The following EPB41L4A variants were observed in gnomAD, a reference collection of about 807,000 sequenced individuals.
EPB41L4A encodes the protein erythrocyte membrane protein band 4.1 like 4A.
EPB41L4A carries 100 observed loss-of-function variants against 108.6 expected under a neutral mutation model. That is an observed-to-expected ratio of 0.92 (90% CI 0.78 to 1.09). The LOEUF (loss-of-function observed/expected upper bound fraction) is 1.09, where lower values mean the gene tolerates loss of function less well. Among genes scored for constraint, EPB41L4A ranks in the 50% least tolerant of loss-of-function variants. EPB41L4A has a pLI of 0.00. For missense variants in EPB41L4A, 1,030 were observed against 842.7 expected, an observed-to-expected ratio of 1.22 and a Z score of -2.75; for synonymous variants, 319 against 289.0, an observed-to-expected ratio of 1.10 and a Z score of -1.05.
At chr5:112,274,986 G>C (rs1203885252) in intron 4 of EPB41L4A, among the ~76,000 whole-genome samples, 1 of 152,168 alleles carries the variant, frequency 6.6e-6, no homozygotes, top group Non-Finnish European at 1.5e-5. Flanking sequence ...AGTACAAACT[G>C]AACATCAAAA....
intron 1 of EPB41L4A, among the ~76,000 whole-genome samples, chr5:112,329,341 G>A (rs1377939288): frequency 6.6e-6 from 1 of 152,156 alleles, no homozygotes. Flanking sequence ...GAGCACCATA[G>A]TGAAGTTTTT....
At chr5:112,222,011 C>T (rs909628570) in intron 12 of EPB41L4A, among the ~76,000 whole-genome samples, 10 of 152,200 alleles carry the variant, frequency 6.6e-5, no homozygotes, top group African/African-American at 2.4e-4. Flanking sequence ...AAACATACAC[C>T]TGACTATATG....
chr5:112,204,575 A>G (rs1762380053), intron 14 of EPB41L4A, 87 bp from the exon 15 acceptor site: 1 of 759,920 alleles, frequency 1.3e-6, no homozygotes, highest in Admixed American at 1.9e-5. Flanking sequence ...ATAACTGCAC[A>G]GCTGGTACTT....
intron 12 of EPB41L4A, among the ~76,000 whole-genome samples, chr5:112,215,723 A>G (rs1747582324): frequency 7.4e-6 from 1 of 134,632 alleles, no homozygotes; most frequent in South Asian, 2.4e-4. Flanking sequence ...AGATCGCGCC[A>G]CTGCATTCCA....
At chr5:112,415,836 C>T (rs73218324) in intron 1 of EPB41L4A, among the ~76,000 whole-genome samples, 9,687 of 152,114 alleles carry the variant, frequency 0.064, 1,073 homozygotes, top group African/African-American at 0.22. Context: ...TTTTAAATCT[C>T]GGATAAGGTT....
chr5:112,230,082 A>T (rs1340624093), intron 12 of EPB41L4A, among the ~76,000 whole-genome samples: 1 of 151,890 alleles, frequency 6.6e-6, no homozygotes, highest in Admixed American at 6.5e-5. Context: ...GTAGTATTCT[A>T]TAGTGTACAT....
At chr5:112,300,632 T>C (rs1186116048) in intron 2 of EPB41L4A, among the ~76,000 whole-genome samples, 1 of 152,170 alleles carries the variant, frequency 6.6e-6, no homozygotes, top group Non-Finnish European at 1.5e-5. Flanking sequence ...GCCTAGGTAA[T>C]GATCTTTTTG....
At chr5:112,402,232 TAGA>T (rs1179305338) in intron 1 of EPB41L4A, among the ~76,000 whole-genome samples, 1 of 152,176 alleles carries the variant, frequency 6.6e-6, no homozygotes, top group Non-Finnish European at 1.5e-5. Context: ...TCTAGCCATG[TAGA>T]ATGTGTCTGC....
intron 4 of EPB41L4A, among the ~76,000 whole-genome samples, chr5:112,274,345 T>C (rs1752474695): frequency 6.6e-6 from 1 of 152,096 alleles, no homozygotes; most frequent in Non-Finnish European, 1.5e-5. Context: ...ATCATTAGAG[T>C]TCAAAAGATT....
rs777882457 is a variant in EPB41L4A at position 112,194,554 on chromosome 5, T to C, written c.1502+14A>G. On this transcript the variant is annotated intron_variant, in intron 17 of 22. Coordinates refer to ENST00000261486, the MANE Select transcript of EPB41L4A (RefSeq NM_022140.5). ...ATTTCAGAGTGCCAGTTAATTATAA[T>C]ATTGAGATATTACCTGTTTCTCTTT... is the stretch of plus-strand genomic sequence containing the variant. 2.8e-6 allele frequency: 4 copies of C among 1,450,764 alleles called. No individual in the cohort carries two copies. The South Asian group carries it at 4.9e-5, about 18-fold the overall frequency. The allele number at this position is 1,450,764 out of a possible 1,614,324, so 89.9% of individuals were successfully genotyped here. A position where few individuals can be genotyped will look rare whatever the true frequency, so the allele number is the denominator to read the frequency against.
chr5:112,335,343 G>A (rs977544931), intron 1 of EPB41L4A, among the ~76,000 whole-genome samples: 2 of 152,112 alleles, frequency 1.3e-5, no homozygotes, highest in Admixed American at 6.5e-5. Context: ...AAGATTAATC[G>A]ATTTAACAGA....
At chr5:112,202,643 T>G (rs1472176595) in intron 15 of EPB41L4A, among the ~76,000 whole-genome samples, 1 of 152,132 alleles carries the variant, frequency 6.6e-6, no homozygotes, top group Non-Finnish European at 1.5e-5. Context: ...AGCACCCTCA[T>G]GTCAGTCCTA....
chr5:112,236,750 G>A (rs1050103850), intron 11 of EPB41L4A, among the ~76,000 whole-genome samples: 3 of 152,160 alleles, frequency 2.0e-5, no homozygotes, highest in African/African-American at 4.8e-5. Context: ...AGAAAAGAAC[G>A]AGAGTAGAAA....
At chr5:112,319,339 T>C (rs1755622054) in intron 1 of EPB41L4A, among the ~76,000 whole-genome samples, 1 of 152,128 alleles carries the variant, frequency 6.6e-6, no homozygotes. Context: ...TATAAATACA[T>C]GTGTGAATAA....
At chr5:112,269,308 A>G (rs1752094436) in intron 4 of EPB41L4A, among the ~76,000 whole-genome samples, 1 of 152,208 alleles carries the variant, frequency 6.6e-6, no homozygotes, top group Admixed American at 6.5e-5. Context: ...TTTTAATTTA[A>G]AACTTGATTT....
intron 8 of EPB41L4A, among the ~76,000 whole-genome samples, chr5:112,259,494 A>G (rs1450704775): frequency 6.6e-6 from 1 of 152,182 alleles, no homozygotes; most frequent in East Asian, 1.9e-4. Context: ...TCTCCACTAA[A>G]TGCACAATGA....
chr5:112,272,601 G>A (rs779384924), intron 4 of EPB41L4A, among the ~76,000 whole-genome samples: 17 of 151,718 alleles, frequency 1.1e-4, no homozygotes, highest in Middle Eastern at 3.4e-3. Flanking sequence ...CCAACATGGC[G>A]AAACCCTGAA....
At chr5:112,327,764 A>G (rs1209666586) in intron 1 of EPB41L4A, among the ~76,000 whole-genome samples, 7 of 152,144 alleles carry the variant, frequency 4.6e-5, no homozygotes, top group Non-Finnish European at 7.3e-5. Context: ...AGCTACAAAT[A>G]GAAGCACTGC....
intron 12 of EPB41L4A, among the ~76,000 whole-genome samples, chr5:112,211,283 A>G (rs2150313973): frequency 6.6e-6 from 1 of 152,014 alleles, no homozygotes; most frequent in Admixed American, 6.5e-5. Context: ...GGAGAGACAG[A>G]CTCTTAAAAG....
Sources: gnomAD v4.1 joint callset for allele counts (sites outside exome capture counted in the v4.1 genomes callset) on GRCh38, gnomAD v4.1.1 for gene constraint, MANE v1.5 for transcripts, NCBI Gene and HGNC (gene_info 2026-07-23, HGNC 2026-07-21) for gene names.